CDKN2B-AS1: variants seen among roughly 807,000 people sequenced by gnomAD.
CDKN2B-AS1 encodes CDKN2B antisense RNA 1 (non-protein coding).
intron 4 of CDKN2B-AS1, among the ~76,000 whole-genome samples, chr9:22,086,492 C>G (rs1023057515): frequency 4.6e-5 from 7 of 152,186 alleles, no homozygotes; most frequent in African/African-American, 1.7e-4. Context: ...ATGCCCCTCA[C>G]TTATCTCACA....
In CDKN2B-AS1 at chr9:21,999,493, T is replaced by C. The variant is rs1289606223; in HGVS notation, n.29+4332T>C. On this transcript the variant is annotated intron_variant and non_coding_transcript_variant, in intron 1 of 4. Transcript: ENST00000650946. The surrounding 1 kb of genome is among the most constrained non-coding windows in gnomAD (Gnocchi z 4.7). The stretch of plus-strand genomic sequence containing the variant: ...GGGAAGATGTATACACATGTACACA[T>C]ATATATACATACATATGTATATATG... Among the ~76,000 whole-genome samples the C allele has an allele frequency of 2.0e-5, 3 of 151,952 alleles. No individual in the cohort carries two copies. The highest frequency in any genetic ancestry group is 7.2e-5 in the African/African-American group (3 of 41,412).
At chr9:22,088,266 G>A (rs1369572571) in intron 4 of CDKN2B-AS1, among the ~76,000 whole-genome samples, 15 of 152,136 alleles carry the variant, frequency 9.9e-5, no homozygotes, top group Admixed American at 9.8e-4. Flanking sequence ...AGAAGCGAAT[G>A]TTGCAATGTT....
intron 1 of CDKN2B-AS1, among the ~76,000 whole-genome samples, chr9:22,018,911 T>G (rs978107547): frequency 2.0e-5 from 3 of 152,188 alleles, no homozygotes; most frequent in Non-Finnish European, 4.4e-5. Context: ...ACATGGTAAG[T>G]GCATAGTGAG....
chr9:21,999,814 AC>A lies in CDKN2B-AS1; in HGVS notation n.29+4654del, dbSNP rs773068122. Among the ~76,000 whole-genome samples, 1 of 152,192 alleles carries A rather than the reference AC, an allele frequency of 6.6e-6. No individual in the cohort carries two copies. The highest frequency in any genetic ancestry group is 1.9e-4 in the East Asian group (1 of 5,204). ...ACAATAATGAAGCACATCTATATGC[AC>A]TGACAATGGAAGTTGTCAAAGATCT... On this transcript the variant is annotated intron_variant and non_coding_transcript_variant, in intron 1 of 4. Coordinates refer to ENST00000650946, the Ensembl canonical transcript of CDKN2B-AS1. The surrounding 1 kb of genome is among the most constrained non-coding windows in gnomAD (Gnocchi z 4.7).
At chr9:22,111,688 G>A (rs1015160288) in intron 4 of CDKN2B-AS1, among the ~76,000 whole-genome samples, 8 of 151,930 alleles carry the variant, frequency 5.3e-5, no homozygotes, top group Non-Finnish European at 1.2e-4. Context: ...AATCTCTTTC[G>A]CAATACCTAA....
chr9:22,076,686 T>A (rs1282403971), intron 4 of CDKN2B-AS1, among the ~76,000 whole-genome samples: 2 of 152,110 alleles, frequency 1.3e-5, no homozygotes, highest in African/African-American at 4.8e-5. Flanking sequence ...ACACCATTTT[T>A]ATTATTTTTT....
chr9:22,036,077 C>G (rs1563937369), intron 1 of CDKN2B-AS1, among the ~76,000 whole-genome samples: 1 of 152,072 alleles, frequency 6.6e-6, no homozygotes, highest in East Asian at 1.9e-4. Context: ...TTCTTTTTCT[C>G]TCTCCTTTCT....
At chr9:22,052,829 G>T (rs759952752) in intron 3 of CDKN2B-AS1, among the ~76,000 whole-genome samples, 1 of 152,030 alleles carries the variant, frequency 6.6e-6, no homozygotes, top group Admixed American at 6.6e-5. Flanking sequence ...CCCCCTCCCA[G>T]GTTCTTGTAT....
At chr9:22,059,224 A>G (rs1199273727) in intron 4 of CDKN2B-AS1, among the ~76,000 whole-genome samples, 1 of 152,234 alleles carries the variant, frequency 6.6e-6, no homozygotes. Flanking sequence ...ATCTGAGACA[A>G]GGGTAGTCCC....
chr9:22,043,645 A>AT (rs1414017303), intron 1 of CDKN2B-AS1, among the ~76,000 whole-genome samples: 1 of 151,972 alleles, frequency 6.6e-6, no homozygotes, highest in Non-Finnish European at 1.5e-5. Context: ...AACTTTAGTT[A>AT]TTTATGTGCC....
At position 22,080,538 on chromosome 9, in the gene CDKN2B-AS1, A is replaced by G. The variant is rs73650041; in HGVS notation, n.438+24151A>G. Reference sequence around the variant, plus strand: ...AGAGCTTTACAGATGAGTTCTAGTGAAGCCCATCAGGGAGAAGAAAATCAA... The same window carrying G: ...AGAGCTTTACAGATGAGTTCTAGTGGAGCCCATCAGGGAGAAGAAAATCAA... On this transcript the variant is annotated intron_variant and non_coding_transcript_variant, in intron 4 of 4. Transcript: ENST00000650946. 9.9e-3 allele frequency among the ~76,000 whole-genome samples: 1,507 copies of G among 152,322 alleles called. 30 individuals are homozygous for G. Among genetic ancestry groups the G allele is most frequent in the African/African-American group, 0.034 (1,417 of 41,570 alleles).
chr9:22,088,624 G>GTCTC (rs1824947802), intron 4 of CDKN2B-AS1, among the ~76,000 whole-genome samples: 1 of 152,200 alleles, frequency 6.6e-6, no homozygotes, highest in Admixed American at 6.5e-5. Context: ...CTATCAATTA[G>GTCTC]TAAGAGTGGT....
At chr9:22,084,749 T>C (rs572107959) in intron 4 of CDKN2B-AS1, among the ~76,000 whole-genome samples, 12 of 152,326 alleles carry the variant, frequency 7.9e-5, no homozygotes, top group Admixed American at 3.9e-4. Flanking sequence ...ATACAGACAT[T>C]TGCCATGTCT....
chr9:22,062,843 A>T (rs1823876883), intron 4 of CDKN2B-AS1, among the ~76,000 whole-genome samples: 1 of 151,886 alleles, frequency 6.6e-6, no homozygotes, highest in Non-Finnish European at 1.5e-5. Flanking sequence ...TAATATTAGT[A>T]GATATTGTTG....
intron 1 of CDKN2B-AS1, among the ~76,000 whole-genome samples, chr9:22,040,017 A>T (rs1822836291): frequency 6.6e-6 from 1 of 152,054 alleles, no homozygotes; most frequent in Non-Finnish European, 1.5e-5. Context: ...AAAGTCACAA[A>T]ATTAACAGAA....
At chr9:22,042,570 T>C (rs1429885703) in intron 1 of CDKN2B-AS1, among the ~76,000 whole-genome samples, 4 of 152,056 alleles carry the variant, frequency 2.6e-5, no homozygotes, top group Non-Finnish European at 5.9e-5. Flanking sequence ...CCTGAAGTAC[T>C]CAGACTCTAC....
intron 1 of CDKN2B-AS1, among the ~76,000 whole-genome samples, chr9:21,998,238 T>A (rs963260917): frequency 6.6e-6 from 1 of 152,232 alleles, no homozygotes; most frequent in Non-Finnish European, 1.5e-5. Flanking sequence ...AATGGGTATG[T>A]GGTATTCCAA....
chr9:22,046,816 C>G (rs549912199), exon 2 of CDKN2B-AS1: 1 of 152,234 alleles, frequency 6.6e-6, no homozygotes, highest in South Asian at 2.1e-4. Flanking sequence ...GAAAAGACTT[C>G]TGTTTTCTGG....
chr9:22,003,750 TG>T (rs58215444), intron 1 of CDKN2B-AS1: 38 of 230,954 alleles, frequency 1.6e-4, no homozygotes, highest in Middle Eastern at 1.3e-3. Flanking sequence ...ATAGGTGTGT[TG>T]GGGGGGGTTA....
Sources: allele counts gnomAD v4.1 joint callset (sites outside exome capture counted in the v4.1 genomes callset), GRCh38; gene constraint gnomAD v4.1.1; non-coding constraint Gnocchi (gnomAD v3.1); transcripts MANE v1.5; gene names NCBI Gene and HGNC (gene_info 2026-07-23, HGNC 2026-07-21).